The following DAPK1 variants were observed in gnomAD, a reference collection of about 807,000 sequenced individuals.
The protein encoded by DAPK1 is death associated protein kinase 1.
In DAPK1, 56 loss-of-function variants were observed where a neutral mutation model predicts 144.9. The ratio of observed to expected loss-of-function variants is 0.39; its 90% CI spans 0.31 to 0.48. The LOEUF (loss-of-function observed/expected upper bound fraction) is 0.48, where lower values mean the gene tolerates loss of function less well. Among genes scored for constraint, DAPK1 ranks in the 20% least tolerant of loss-of-function variants. DAPK1 has a pLI of 0.95. For synonymous variants in DAPK1, 690 were observed against 749.0 expected, an observed-to-expected ratio of 0.92 and a Z score of 1.29; for missense variants, 1,454 against 1,875.4, an observed-to-expected ratio of 0.78 and a Z score of 4.15.
At chr9:87,562,025 G>A (rs1826945580) in intron 2 of DAPK1, among the ~76,000 whole-genome samples, 1 of 152,146 alleles carries the variant, frequency 6.6e-6, no homozygotes, top group South Asian at 2.1e-4. Context: ...TGGGCCACAG[G>A]GACCCTCACT....
At chr9:87,630,110 C>T (rs1312972040) in intron 3 of DAPK1, among the ~76,000 whole-genome samples, 3 of 152,140 alleles carry the variant, frequency 2.0e-5, no homozygotes, top group African/African-American at 7.2e-5. Context: ...ATTACAACCC[C>T]ATGACACACC....
chr9:87,586,665 C>G (rs1306398416), intron 2 of DAPK1, among the ~76,000 whole-genome samples: 3 of 152,020 alleles, frequency 2.0e-5, no homozygotes, highest in Non-Finnish European at 4.4e-5. Flanking sequence ...ATTCTTTTTG[C>G]CTATGTCTGA....
intron 2 of DAPK1, among the ~76,000 whole-genome samples, chr9:87,593,388 TAAATC>T (rs984499232): frequency 2.6e-5 from 4 of 152,252 alleles, no homozygotes; most frequent in Non-Finnish European, 4.4e-5. Context: ...TATCTTGACT[TAAATC>T]AAGAGGAGAA....
intron 3 of DAPK1, among the ~76,000 whole-genome samples, chr9:87,629,995 A>G (rs980465233): frequency 6.6e-5 from 10 of 152,134 alleles, no homozygotes; most frequent in African/African-American, 2.2e-4. Flanking sequence ...AAACTAGCCC[A>G]GATGGAGAGA....
intron 2 of DAPK1, among the ~76,000 whole-genome samples, chr9:87,592,475 A>G (rs1329737898): frequency 1.3e-5 from 2 of 152,200 alleles, no homozygotes; most frequent in East Asian, 3.8e-4. Flanking sequence ...TTGGGTTTAC[A>G]ATCCCTGCTT....
chr9:87,682,470 AG>A (rs1432496890), intron 20 of DAPK1, among the ~76,000 whole-genome samples: 2 of 152,178 alleles, frequency 1.3e-5, no homozygotes, highest in African/African-American at 4.8e-5. Flanking sequence ...GTCACAGAAG[AG>A]CCAGGTCTGT....
rs75395000 is a variant in DAPK1 at position 87,625,899 on chromosome 9, G to A, written c.285-12044G>A. Among the ~76,000 whole-genome samples the A allele has an allele frequency of 1.1e-3, 171 of 152,298 alleles. 4 individuals carry two copies. The East Asian group carries it at 0.028, about 25-fold the overall frequency. The stretch of plus-strand genomic sequence containing the variant: ...CATTTAGAATATGTGAGATCAAGGC[G>A]TGGGTATCCAGAATATGTAAGGAGT... On this transcript the variant is annotated intron_variant, in intron 3 of 25. Coordinates refer to ENST00000408954, the MANE Select transcript of DAPK1 (RefSeq NM_004938.4).
At chr9:87,635,448 G>A (rs914081819) in intron 3 of DAPK1, among the ~76,000 whole-genome samples, 2 of 152,166 alleles carry the variant, frequency 1.3e-5, no homozygotes, top group Non-Finnish European at 2.9e-5. Flanking sequence ...GAAAGCCGGC[G>A]GCTGGGCACC....
At chr9:87,573,202 A>C (rs3095752) in intron 2 of DAPK1, among the ~76,000 whole-genome samples, 35,313 of 152,138 alleles carry the variant, frequency 0.23, 4,809 homozygotes, top group Non-Finnish European at 0.32. Context: ...GGTGTGTACA[A>C]GTTTGTGTCT....
chr9:87,506,692 G>A (rs1477663291), intron 2 of DAPK1: 1 of 152,162 alleles, frequency 6.6e-6, no homozygotes, highest in Non-Finnish European at 1.5e-5. Flanking sequence ...GTTCTGGTTT[G>A]TTGGGGTAAA....
At chr9:87,511,668 T>TGTGTGTG (rs1554674943) in intron 2 of DAPK1, among the ~76,000 whole-genome samples, 1 of 140,638 alleles carries the variant, frequency 7.1e-6, no homozygotes, top group African/African-American at 2.7e-5. Flanking sequence ...TCTTTTTCTT[T>TGTGTGTG]TGTGTGTGTG....
chr9:87,687,120 C>T (rs1005128470), intron 21 of DAPK1, among the ~76,000 whole-genome samples: 1 of 152,182 alleles, frequency 6.6e-6, no homozygotes, highest in Non-Finnish European at 1.5e-5. Flanking sequence ...TTTATCATTT[C>T]TATGTGTTGG....
At chr9:87,645,766 T>C (rs547766859) in intron 11 of DAPK1, 129 bp from the exon 12 acceptor site, 30 of 1,188,478 alleles carry the variant, frequency 2.5e-5, no homozygotes, top group Middle Eastern at 2.2e-4. Flanking sequence ...CTGTATGGAT[T>C]TGGGGAGTAA....
At chr9:87,604,372 C>G (rs1339878666) in intron 2 of DAPK1, among the ~76,000 whole-genome samples, 2 of 152,136 alleles carry the variant, frequency 1.3e-5, no homozygotes, top group Non-Finnish European at 2.9e-5. Context: ...GTAGAAATAC[C>G]TTGAGACGGG....
intron 2 of DAPK1, among the ~76,000 whole-genome samples, chr9:87,581,312 C>T (rs962405527): frequency 4.6e-5 from 7 of 152,034 alleles, no homozygotes; most frequent in African/African-American, 1.7e-4. Flanking sequence ...CCTGGCTAGG[C>T]GTTACCCTTG....
chr9:87,580,345 A>C (rs2889981), intron 2 of DAPK1, among the ~76,000 whole-genome samples: 35,289 of 152,040 alleles, frequency 0.23, 4,813 homozygotes, highest in Non-Finnish European at 0.32. Flanking sequence ...TCCTCCTCCT[A>C]ATCCCTGGGA....
intron 21 of DAPK1, among the ~76,000 whole-genome samples, chr9:87,690,373 A>G (rs1240747105): frequency 6.6e-6 from 1 of 152,038 alleles, no homozygotes; most frequent in Non-Finnish European, 1.5e-5. Context: ...AACTTTACCT[A>G]TTTAATATGA....
intron 2 of DAPK1, among the ~76,000 whole-genome samples, chr9:87,597,315 T>G (rs1218942329): frequency 6.6e-6 from 1 of 152,184 alleles, no homozygotes; most frequent in East Asian, 1.9e-4. Context: ...AGCTTCAGCA[T>G]CTAAGCAAAG....
At chr9:87,599,001 T>TA (rs1355222588) in intron 2 of DAPK1, among the ~76,000 whole-genome samples, 1 of 152,190 alleles carries the variant, frequency 6.6e-6, no homozygotes, top group Non-Finnish European at 1.5e-5. Context: ...GAGAAGGCAA[T>TA]ATGACCCAAA....
Sources: gnomAD v4.1 joint callset for allele counts (sites outside exome capture counted in the v4.1 genomes callset) on GRCh38, gnomAD v4.1.1 for gene constraint, MANE v1.5 for transcripts, NCBI Gene and HGNC (gene_info 2026-07-23, HGNC 2026-07-21) for gene names.